CCSER1: variants seen among roughly 807,000 people sequenced by gnomAD.
The protein encoded by CCSER1 is serine-rich coiled-coil domain-containing protein 1.
CCSER1 carries 41 observed loss-of-function variants against 82.0 expected under a neutral mutation model. The observed-to-expected ratio is 0.50, with a 90% CI of 0.39 to 0.65. The LOEUF is 0.65. Among genes scored for constraint, CCSER1 ranks in the 30% least tolerant of loss-of-function variants. The pLI, the probability that CCSER1 is intolerant of heterozygous loss-of-function variation, is 0.00. For synonymous variants in CCSER1, 414 were observed against 383.9 expected, an observed-to-expected ratio of 1.08 and a Z score of -0.92; for missense variants, 1,119 against 1,064.2, an observed-to-expected ratio of 1.05 and a Z score of -0.72.
intron 10 of CCSER1, among the ~76,000 whole-genome samples, chr4:91,260,485 A>T (rs1248544102): frequency 6.6e-6 from 1 of 152,220 alleles, no homozygotes; most frequent in Non-Finnish European, 1.5e-5. Context: ...CACTGTATAG[A>T]TGAAGCAACC....
rs535351475 is a variant in CCSER1 at position 91,314,756 on chromosome 4, C to T, written c.2217+228762C>T. Among the ~76,000 whole-genome samples, 20 of 152,100 alleles carry T rather than the reference C, an allele frequency of 1.3e-4. 1 individual carries two copies. Among genetic ancestry groups the T allele is most frequent in the Admixed American group, 9.8e-4 (15 of 15,254 alleles). On this transcript the variant is annotated intron_variant, in intron 10 of 10. Transcript: ENST00000509176. ...CTGGGTTGTTATCTTTTTTAAATCT[C>T]CATCATACCAAATATGGATATCCAT...
At chr4:91,109,247 C>T (rs546124479) in intron 10 of CCSER1, among the ~76,000 whole-genome samples, 2 of 152,180 alleles carry the variant, frequency 1.3e-5, no homozygotes, top group East Asian at 1.9e-4. Flanking sequence ...TTCTCAAGCT[C>T]GATGATTTCT....
At chr4:91,370,180 A>G (rs1749935272) in intron 10 of CCSER1, among the ~76,000 whole-genome samples, 1 of 152,168 alleles carries the variant, frequency 6.6e-6, no homozygotes, top group South Asian at 2.1e-4. Context: ...TTAAGTCTAC[A>G]CTTATAAAGA....
At chr4:90,418,056 T>G (rs114824240) in intron 4 of CCSER1, among the ~76,000 whole-genome samples, 2,704 of 152,268 alleles carry the variant, frequency 0.018, 47 homozygotes, top group African/African-American at 0.036. Context: ...GGCTCTGGAA[T>G]TAGACAAATC....
chr4:90,696,057 A>G (rs1736956006), intron 6 of CCSER1, among the ~76,000 whole-genome samples: 1 of 152,136 alleles, frequency 6.6e-6, no homozygotes, highest in Non-Finnish European at 1.5e-5. Context: ...ACATTTCCAA[A>G]ATATAAATCT....
At chr4:91,013,604 CTT>C (rs1188536764) in intron 9 of CCSER1, among the ~76,000 whole-genome samples, 2 of 107,618 alleles carry the variant, frequency 1.9e-5, no homozygotes, top group Non-Finnish European at 4.3e-5. Flanking sequence ...TTAAGATTTT[CTT>C]TTTTTTTTTT....
At chr4:90,969,929 T>TA (rs925876581) in intron 9 of CCSER1, among the ~76,000 whole-genome samples, 5 of 146,576 alleles carry the variant, frequency 3.4e-5, no homozygotes, top group Admixed American at 6.8e-5. Flanking sequence ...ACATAAGAAA[T>TA]AAAAAAAACC....
intron 5 of CCSER1, among the ~76,000 whole-genome samples, chr4:90,509,178 AAAGAGCGTTTTTTATAG>A (rs1771131624): frequency 6.6e-6 from 1 of 152,084 alleles, no homozygotes; most frequent in African/African-American, 2.4e-5. Context: ...TTGTGTGCAA[AAAGAGCGTTTTTTATAG>A]CATAAAGTAG....
intron 3 of CCSER1, among the ~76,000 whole-genome samples, chr4:90,374,665 T>G (rs908206333): frequency 1.3e-5 from 2 of 152,160 alleles, no homozygotes; most frequent in African/African-American, 4.8e-5. Flanking sequence ...TCATGGTACA[T>G]TGACATCATT....
intron 1 of CCSER1, among the ~76,000 whole-genome samples, chr4:90,293,295 TAA>T (rs1027226832): frequency 1.3e-5 from 2 of 151,732 alleles, no homozygotes; most frequent in African/African-American, 2.4e-5. Context: ...TACATATTTA[TAA>T]GAGAAAAACT....
intron 1 of CCSER1, chr4:90,235,322 C>G (rs1298260237): frequency 6.6e-6 from 1 of 152,192 alleles, no homozygotes; most frequent in Non-Finnish European, 1.5e-5. Context: ...CCCATGAAGC[C>G]TGGGATAGAA....
intron 10 of CCSER1, among the ~76,000 whole-genome samples, chr4:91,572,033 G>A (rs189098945): frequency 1.1e-4 from 17 of 152,244 alleles, no homozygotes; most frequent in African/African-American, 3.6e-4. Flanking sequence ...TCAATTGCCC[G>A]TTAAGGCTCT....
chr4:91,475,216 C>T lies in CCSER1; in HGVS notation c.2218-123356C>T, dbSNP rs111903236. ...GTGTGTTTAATGTGGATTAATTTTA[C>T]TTTTATATTCCTGCATATGGCTAGG... On this transcript the variant is annotated intron_variant, in intron 10 of 10. Transcript: ENST00000509176. 9.8e-3 allele frequency among the ~76,000 whole-genome samples: 1,481 copies of T among 151,594 alleles called. 10 individuals carry two copies. The highest frequency in any genetic ancestry group is 0.02 in the Middle Eastern group (6 of 294).
intron 10 of CCSER1, among the ~76,000 whole-genome samples, chr4:91,252,144 C>A (rs1055668918): frequency 6.6e-6 from 1 of 152,054 alleles, no homozygotes; most frequent in African/African-American, 2.4e-5. Context: ...TCATCAGAAT[C>A]TTTGGGAGAC....
chr4:90,983,513 G>A (rs912847185), intron 9 of CCSER1, among the ~76,000 whole-genome samples: 15 of 151,566 alleles, frequency 9.9e-5, no homozygotes, highest in African/African-American at 3.6e-4. Flanking sequence ...CCAGATGTTT[G>A]TATTACTAGA....
intron 5 of CCSER1, among the ~76,000 whole-genome samples, chr4:90,485,539 T>C (rs1766899529): frequency 1.4e-5 from 2 of 141,834 alleles, no homozygotes; most frequent in Admixed American, 6.9e-5. Context: ...CCAATTTAAC[T>C]TTTATTTAAA....
At chr4:91,376,895 T>A (rs1341305947) in intron 10 of CCSER1, among the ~76,000 whole-genome samples, 1 of 66,634 alleles carries the variant, frequency 1.5e-5, no homozygotes, top group East Asian at 8.4e-4. Context: ...CTCCTAATAC[T>A]ATCCCTCCCC....
At position 90,699,293 on chromosome 4, in the gene CCSER1, G is replaced by A. The variant is rs544732878; in HGVS notation, c.1933-24621G>A. 2.6e-4 allele frequency among the ~76,000 whole-genome samples: 39 copies of A among 152,014 alleles called. No individual in the cohort carries two copies. The South Asian group carries it at 7.3e-3, about 28-fold the overall frequency. ...AGGCTGGCGAACATGGCAAAATCCC[G>A]TCTCTACTAAAAATATAAAACATTA... On this transcript the variant is annotated intron_variant, in intron 6 of 10. Coordinates refer to ENST00000509176, the MANE Select transcript of CCSER1 (RefSeq NM_001145065.2).
intron 9 of CCSER1, among the ~76,000 whole-genome samples, chr4:91,080,487 C>T (rs1315243454): frequency 1.3e-5 from 2 of 152,102 alleles, no homozygotes; most frequent in African/African-American, 4.8e-5. Context: ...AATTGACACC[C>T]TAACATCACA....
Sources: gnomAD v4.1 joint callset for allele counts (sites outside exome capture counted in the v4.1 genomes callset) on GRCh38, gnomAD v4.1.1 for gene constraint, MANE v1.5 for transcripts, NCBI Gene and HGNC (gene_info 2026-07-23, HGNC 2026-07-21) for gene names.